The following EYS variants were observed in gnomAD, a reference collection of about 807,000 sequenced individuals.
The protein encoded by EYS is EGF-like photoreceptor maintenance factor.
In EYS, 250 loss-of-function variants were observed where a neutral mutation model predicts 282.1. The ratio of observed to expected loss-of-function variants is 0.89; its 90% CI spans 0.80 to 0.98. The LOEUF (loss-of-function observed/expected upper bound fraction) is 0.98. EYS is among the 50% of genes least tolerant of loss of function. The pLI is 0.00. For synonymous variants in EYS, 1,355 were observed against 1,282.9 expected, an observed-to-expected ratio of 1.06 and a Z score of -1.20; for missense variants, 4,016 against 3,709.0, an observed-to-expected ratio of 1.08 and a Z score of -2.15.
intron 2 of EYS, among the ~76,000 whole-genome samples, chr6:65,513,117 A>C (rs1257496138): frequency 6.6e-6 from 1 of 152,190 alleles, no homozygotes; most frequent in African/African-American, 2.4e-5. Context: ...TATCACCACC[A>C]ATCCCACACA....
chr6:65,297,375 CTG>C (rs1396238844), intron 11 of EYS, among the ~76,000 whole-genome samples: 6 of 151,842 alleles, frequency 4.0e-5, no homozygotes, highest in Middle Eastern at 3.4e-3. Context: ...ACACTTATAA[CTG>C]TATATGACGG....
intron 36 of EYS, among the ~76,000 whole-genome samples, chr6:63,837,173 G>A (rs925563592): frequency 6.6e-6 from 1 of 152,052 alleles, no homozygotes; most frequent in South Asian, 2.1e-4. Context: ...TATATTTTGA[G>A]TGATTCCTAG....
chr6:64,005,385 A>C (rs1394341742), intron 33 of EYS, among the ~76,000 whole-genome samples: 1 of 152,110 alleles, frequency 6.6e-6, no homozygotes, highest in Non-Finnish European at 1.5e-5. Context: ...TGTCAGATGC[A>C]TAGTTTGAAA....
chr6:64,145,436 G>C (rs1774482019), intron 31 of EYS, among the ~76,000 whole-genome samples: 1 of 152,060 alleles, frequency 6.6e-6, no homozygotes, highest in Non-Finnish European at 1.5e-5. Context: ...TGATTACCAT[G>C]TTCATTATAT....
chr6:64,593,352 T>C, intron 24 of EYS, 43 bp from the exon 25 acceptor site: 1 of 1,467,500 alleles, frequency 6.8e-7, no homozygotes, highest in Non-Finnish European at 9.2e-7. Flanking sequence ...CTCAGTTTCT[T>C]TGTTCCTAAG....
At chr6:65,330,089 A>G (rs1296976312) in intron 11 of EYS, 1 of 982,124 alleles carries the variant, frequency 1.0e-6, no homozygotes. Context: ...AGTGAAAAAA[A>G]TAATTACTTT....
At chr6:65,147,073 G>A (rs964507137) in intron 12 of EYS, among the ~76,000 whole-genome samples, 1 of 151,824 alleles carries the variant, frequency 6.6e-6, no homozygotes, top group African/African-American at 2.4e-5. Flanking sequence ...CTAACAGTAT[G>A]TTTTTTGGTT....
At chr6:64,913,126 G>A (rs1389423628) in intron 15 of EYS, among the ~76,000 whole-genome samples, 9 of 152,010 alleles carry the variant, frequency 5.9e-5, no homozygotes, top group South Asian at 2.1e-4. Flanking sequence ...TTAATTCAGC[G>A]TCCTTAGCAA....
chr6:64,605,686 G>A (rs1766907656), intron 24 of EYS, among the ~76,000 whole-genome samples: 1 of 151,668 alleles, frequency 6.6e-6, no homozygotes, highest in Non-Finnish European at 1.5e-5. Context: ...ACAGAACCCT[G>A]AGTATGTACA....
chr6:64,556,991 G>A (rs1765253348), intron 26 of EYS, among the ~76,000 whole-genome samples: 1 of 151,820 alleles, frequency 6.6e-6, no homozygotes, highest in Non-Finnish European at 1.5e-5. Context: ...TCTAAGTTAA[G>A]AGAAAAAGTA....
intron 31 of EYS, among the ~76,000 whole-genome samples, chr6:64,179,287 A>G (rs1764724287): frequency 6.6e-6 from 1 of 152,084 alleles, no homozygotes; most frequent in East Asian, 1.9e-4. Flanking sequence ...CCTTATTGCT[A>G]TAAAACTACC....
intron 27 of EYS, among the ~76,000 whole-genome samples, chr6:64,437,174 A>G (rs188843754): frequency 2.6e-5 from 4 of 151,856 alleles, no homozygotes; most frequent in Admixed American, 6.6e-5. Flanking sequence ...AAAAACTCCA[A>G]TAAGAAGCAT....
chr6:65,390,434 G>GA (rs963248485), intron 7 of EYS, among the ~76,000 whole-genome samples: 2 of 151,488 alleles, frequency 1.3e-5, no homozygotes, highest in Admixed American at 6.6e-5. Flanking sequence ...AAGGAGAAGG[G>GA]AAAAAATGGT....
chr6:64,947,730 A>G (rs1175754542), intron 14 of EYS, among the ~76,000 whole-genome samples: 1 of 151,222 alleles, frequency 6.6e-6, no homozygotes, highest in Non-Finnish European at 1.5e-5. Context: ...TGTTTTATGA[A>G]TGTGCTATTT....
chr6:65,538,221 T>C (rs1440398764), intron 2 of EYS, among the ~76,000 whole-genome samples: 2 of 152,174 alleles, frequency 1.3e-5, no homozygotes, highest in South Asian at 2.1e-4. Context: ...AAGGTAAATG[T>C]CTTTAGGAGA....
At chr6:64,137,743 C>T (rs1056111609) in intron 31 of EYS, among the ~76,000 whole-genome samples, 3 of 151,982 alleles carry the variant, frequency 2.0e-5, no homozygotes, top group East Asian at 1.9e-4. Context: ...AAAACAATGA[C>T]AGTAGTAATA....
At chr6:64,795,235 C>CAA (rs112160251) in intron 22 of EYS, among the ~76,000 whole-genome samples, 23 of 136,726 alleles carry the variant, frequency 1.7e-4, no homozygotes, top group East Asian at 1.0e-3. Flanking sequence ...AACTCCGTCT[C>CAA]AAAAAAAAAA....
rs553823162 is a variant in EYS, at chr6:64,897,839, T to C, written c.2846+4274A>G. Reference sequence around the variant, plus strand: ...AGTATCAATAGCTGAATAGATTAAGTGGAAGAAAGGATATCAGAGATTGAA... The same window carrying C: ...AGTATCAATAGCTGAATAGATTAAGCGGAAGAAAGGATATCAGAGATTGAA... On this transcript the variant is annotated intron_variant, in intron 18 of 42. Coordinates refer to ENST00000503581, the MANE Select transcript of EYS (RefSeq NM_001142800.2). 8.5e-5 allele frequency among the ~76,000 whole-genome samples: 13 copies of C among 152,136 alleles called. No homozygotes were observed. The South Asian group carries it at 2.5e-3, about 29-fold the overall frequency.
chr6:64,998,260 A>G (rs1771341387), intron 13 of EYS, among the ~76,000 whole-genome samples: 1 of 152,330 alleles, frequency 6.6e-6, no homozygotes, highest in Non-Finnish European at 1.5e-5. Context: ...TTTACCATTA[A>G]TGATGAAAAA....
Sources: allele counts gnomAD v4.1 joint callset (sites outside exome capture counted in the v4.1 genomes callset), GRCh38; gene constraint gnomAD v4.1.1; transcripts MANE v1.5; gene names NCBI Gene and HGNC (gene_info 2026-07-23, HGNC 2026-07-21).